The following ADAMTSL1 variants were observed in gnomAD, a reference collection of about 807,000 sequenced individuals.
The protein encoded by ADAMTSL1 is ADAMTS-like protein 1.
In ADAMTSL1, 126 loss-of-function variants were observed where a neutral mutation model predicts 201.8. The ratio of observed to expected loss-of-function variants is 0.62; its 90% CI spans 0.54 to 0.72. The LOEUF (loss-of-function observed/expected upper bound fraction) is 0.72. Among genes scored for constraint, ADAMTSL1 ranks in the 30% least tolerant of loss-of-function variants. The probability of loss-of-function intolerance (pLI) is 0.00; values close to 1 mark genes in which losing one functional copy is unlikely to be tolerated. For missense variants in ADAMTSL1, 2,679 were observed against 2,277.8 expected (o/e 1.18, Z -3.59); for synonymous variants, 1,121 against 903.4 (o/e 1.24, Z -4.32).
At chr9:18,224,323 A>G (rs556206866) in intron 2 of ADAMTSL1, among the ~76,000 whole-genome samples, 1 of 152,180 alleles carries the variant, frequency 6.6e-6, no homozygotes, top group Non-Finnish European at 1.5e-5. Context: ...AGAGGAGGGG[A>G]GTGCTGTGTC....
At chr9:18,705,562 C>T (rs1832183514) in intron 13 of ADAMTSL1, among the ~76,000 whole-genome samples, 1 of 152,148 alleles carries the variant, frequency 6.6e-6, no homozygotes, top group African/African-American at 2.4e-5. Flanking sequence ...GTTGAGCACA[C>T]TTGTCTGAAT....
chr9:18,439,807 T>A lies in ADAMTSL1; in HGVS notation c.208-65022T>A, dbSNP rs574147090. Among the ~76,000 whole-genome samples, 6 of 152,360 alleles carry A rather than the reference T, an allele frequency of 3.9e-5. No individual in the cohort carries two copies. In the South Asian group the frequency reaches 1.2e-3, roughly 32 times the overall value. On this transcript the variant is annotated intron_variant, in intron 2 of 29. Coordinates refer to the ADAMTSL1 transcript ENST00000680146. Reference sequence around the variant, plus strand: ...GTCAGGCAAGTTTCTAGGCACTTTATATTATTATCCCATTTCATCTTCATA... The same window carrying A: ...GTCAGGCAAGTTTCTAGGCACTTTAAATTATTATCCCATTTCATCTTCATA...
chr9:18,326,815 T>C (rs1055236992), intron 2 of ADAMTSL1, among the ~76,000 whole-genome samples: 2 of 152,236 alleles, frequency 1.3e-5, no homozygotes, highest in Non-Finnish European at 2.9e-5. Flanking sequence ...TTTTTCCTAA[T>C]GTGGAGCTTT....
rs540089739 is a variant in ADAMTSL1 at position 18,029,642 on chromosome 9, T to C, written c.87+122720T>C. Among the ~76,000 whole-genome samples, 22 of 151,854 alleles carry C rather than the reference T, an allele frequency of 1.4e-4. No individual in the cohort carries two copies. The East Asian group carries it at 3.9e-3, about 27-fold the overall frequency. ...AGAATGGGAGAAAATTTTCGCAACC[T>C]ACTCATCTGACAAAGGGCTAATATC... is the stretch of plus-strand genomic sequence containing the variant. On this transcript the variant is annotated intron_variant, in intron 1 of 29. Transcript: ENST00000680146.
At chr9:18,461,198 G>C (rs1820793581) in intron 2 of ADAMTSL1, among the ~76,000 whole-genome samples, 2 of 152,042 alleles carry the variant, frequency 1.3e-5, no homozygotes, top group African/African-American at 4.8e-5. Flanking sequence ...ACAGATTTTA[G>C]TAAATATCAG....
chr9:18,092,196 C>G (rs1461836156), intron 1 of ADAMTSL1, among the ~76,000 whole-genome samples: 2 of 152,060 alleles, frequency 1.3e-5, no homozygotes, highest in African/African-American at 4.8e-5. Context: ...GATCACAGAT[C>G]TCTCAAGACA....
intron 16 of ADAMTSL1, among the ~76,000 whole-genome samples, chr9:18,762,153 T>A (rs961764701): frequency 3.3e-5 from 5 of 152,336 alleles, no homozygotes; most frequent in Non-Finnish European, 5.9e-5. Context: ...AATATAAAGA[T>A]GAATGAATTC....
intron 23 of ADAMTSL1, among the ~76,000 whole-genome samples, chr9:18,836,382 CTGTT>C: frequency 6.6e-6 from 1 of 152,190 alleles, no homozygotes; most frequent in South Asian, 2.1e-4. Context: ...TGTAGGTTGT[CTGTT>C]TACTCTGTTG....
chr9:18,521,922 G>A (rs1392036671), intron 2 of ADAMTSL1, among the ~76,000 whole-genome samples: 1 of 152,180 alleles, frequency 6.6e-6, no homozygotes, highest in African/African-American at 2.4e-5. Context: ...TGTGAGGTAA[G>A]ACCACAAGTA....
chr9:18,150,589 C>G (rs1266662298), intron 1 of ADAMTSL1, among the ~76,000 whole-genome samples: 1 of 151,922 alleles, frequency 6.6e-6, no homozygotes, highest in Admixed American at 6.6e-5. Flanking sequence ...CTAGTAGGAA[C>G]AGGAACACAA....
intron 17 of ADAMTSL1, among the ~76,000 whole-genome samples, chr9:18,775,310 G>A (rs1369580162): frequency 6.6e-6 from 1 of 152,060 alleles, no homozygotes; most frequent in Admixed American, 6.5e-5. Context: ...TACTTGTGAA[G>A]GAAGGAAAAA....
intron 1 of ADAMTSL1, among the ~76,000 whole-genome samples, chr9:17,986,189 G>A (rs1272548332): frequency 6.6e-6 from 1 of 152,022 alleles, no homozygotes. Flanking sequence ...ATGCTTTAAG[G>A]AATATTAGAA....
At chr9:18,184,720 C>G (rs1315350145) in intron 2 of ADAMTSL1, among the ~76,000 whole-genome samples, 3 of 152,044 alleles carry the variant, frequency 2.0e-5, no homozygotes, top group Non-Finnish European at 4.4e-5. Context: ...CACAACGCAT[C>G]TATAGAAGAA....
chr9:18,676,678 C>T (rs1160424237), intron 10 of ADAMTSL1, among the ~76,000 whole-genome samples: 2 of 151,958 alleles, frequency 1.3e-5, no homozygotes, highest in Non-Finnish European at 2.9e-5. Context: ...TGAAGTAGAC[C>T]TATGCTCTAT....
chr9:18,809,921 A>T (rs901171169), intron 20 of ADAMTSL1, among the ~76,000 whole-genome samples: 1 of 152,338 alleles, frequency 6.6e-6, no homozygotes, highest in Admixed American at 6.5e-5. Flanking sequence ...GGCTGCCATA[A>T]AACTGTAGTG....
chr9:18,205,401 A>T (rs1447911459), intron 2 of ADAMTSL1, among the ~76,000 whole-genome samples: 1 of 152,156 alleles, frequency 6.6e-6, no homozygotes, highest in Non-Finnish European at 1.5e-5. Context: ...AGACAAACTT[A>T]TCTTTTATGG....
At chr9:18,273,377 G>A (rs568836205) in intron 2 of ADAMTSL1, among the ~76,000 whole-genome samples, 18 of 152,258 alleles carry the variant, frequency 1.2e-4, no homozygotes, top group African/African-American at 4.1e-4. Flanking sequence ...CATCACGCCC[G>A]GCCACCTCAC....
At chr9:18,238,028 C>A (rs1324924919) in intron 2 of ADAMTSL1, among the ~76,000 whole-genome samples, 1 of 152,178 alleles carries the variant, frequency 6.6e-6, no homozygotes, top group South Asian at 2.1e-4. Flanking sequence ...CAATGACTTT[C>A]CCTGAAGAAC....
At chr9:18,533,516 C>T (rs769977050) in intron 3 of ADAMTSL1, among the ~76,000 whole-genome samples, 1 of 152,116 alleles carries the variant, frequency 6.6e-6, no homozygotes, top group Non-Finnish European at 1.5e-5. Context: ...TATTTCAAAA[C>T]AAGGACTCTA....
Sources: allele counts gnomAD v4.1 joint callset (sites outside exome capture counted in the v4.1 genomes callset), GRCh38; gene constraint gnomAD v4.1.1; transcripts MANE v1.5; gene names NCBI Gene and HGNC (gene_info 2026-07-23, HGNC 2026-07-21).